RBIS: variants seen among roughly 807,000 people sequenced by gnomAD.
The protein encoded by RBIS is ribosome biogenesis factor identified in screen.
A neutral mutation model predicts 9.8 loss-of-function variants in RBIS; 9 were observed. The observed-to-expected ratio is 0.92, with a 90% CI of 0.56 to 1.61. The LOEUF (loss-of-function observed/expected upper bound fraction) is 1.61. RBIS is among the 40% of genes most tolerant of loss of function. The probability of loss-of-function intolerance (pLI) is 0.00; values close to 1 mark genes in which losing one functional copy is unlikely to be tolerated. For missense variants in RBIS, 103 were observed against 116.0 expected, an observed-to-expected ratio of 0.89 and a Z score of 0.51; for synonymous variants, 35 against 37.9, an observed-to-expected ratio of 0.92 and a Z score of 0.28.
At chr8:85,214,829 TAC>T (rs1442045833) in intron 3 of RBIS, 90 bp downstream of exon 3, 1 of 786,820 alleles carries the variant, frequency 1.3e-6, no homozygotes, top group Non-Finnish European at 2.1e-6. Flanking sequence ...TACTAAAAAT[TAC>T]ACTCAACTTA....
intron 2 of RBIS, 30 bp downstream of exon 2, chr8:85,217,356 A>G (rs749918972): frequency 2.4e-6 from 3 of 1,256,760 alleles, no homozygotes; most frequent in Admixed American, 3.4e-5. Context: ...CTTGTAAACA[A>G]TAAAGTCAGA....
Position 85,214,914 on chromosome 8 carries a change from T to C in RBIS, c.231+7A>G, listed in dbSNP as rs781604003. 6.9e-7 allele frequency: 1 copy of C among 1,452,396 alleles called. No homozygotes were observed. The highest frequency in any genetic ancestry group is 1.2e-5 in the South Asian group (1 of 80,560). The allele number at this position is 1,452,396 out of a possible 1,614,324, so 90.0% of individuals were successfully genotyped here. ...GCCATAAAAAAAAGCAAATGATTTCTGCTTACCAGTTCTTTCTGCAGAGGT... is the reference window on the plus strand; with the variant it reads ...GCCATAAAAAAAAGCAAATGATTTCCGCTTACCAGTTCTTTCTGCAGAGGT... On this transcript the variant is annotated splice_region_variant and intron_variant, in intron 3 of 3. Transcript: ENST00000619594.
At position 85,214,314 on chromosome 8, in the gene RBIS, A is replaced by G; in HGVS notation, c.*246T>C. 1 of 591,334 alleles carries G rather than the reference A, an allele frequency of 1.7e-6. No individual in the cohort carries two copies. The highest frequency in any genetic ancestry group is 3.0e-6 in the Non-Finnish European group (1 of 328,368). 36.6% of individuals were successfully genotyped at this position (591,334 alleles called of 1,614,324 possible). The stretch of plus-strand genomic sequence containing the variant: ...TGCCACTTGTAAAGTGAAGGATGTA[A>G]ACGAGGATATATAACTGTTTCAGTG... On this transcript the variant is annotated 3_prime_UTR_variant, in exon 4 of 4. Transcript: ENST00000619594.
At chr8:85,217,845 C>T (rs1813212161) in intron 1 of RBIS, 1 of 220,122 alleles carries the variant, frequency 4.5e-6, no homozygotes, top group African/African-American at 2.3e-5. Flanking sequence ...TACTACTATG[C>T]TATTCTGGTT....
In RBIS at chr8:85,214,625, G is replaced by A. The variant is rs1344228994; in HGVS notation, c.238C>T (p.Gln80Ter). 6.4e-7 allele frequency: 1 copy of A among 1,556,482 alleles called. No individual in the cohort carries two copies. Among genetic ancestry groups the A allele is most frequent in the Non-Finnish European group, 8.9e-7 (1 of 1,128,186 alleles). ...LEPLQKELIPQQRHESKPVNV... is the reference protein window; with the variant it reads ...LEPLQKELIP ...ACTGGTTTGCTTTCATGACGCTGCT[G>A]AGGAATCTGAAAGGAGAAAGTATTA... Residue 80 changes from glutamine (Q) to a stop codon, truncating the protein, a stop_gained, in exon 4 of 4, where the codon CAG becomes TAG. Transcript: ENST00000619594. LOFTEE classifies it high-confidence loss of function.
At chr8:85,214,782 C>G (rs1333890318) in intron 3 of RBIS, 139 bp downstream of exon 3, 3 of 723,588 alleles carry the variant, frequency 4.1e-6, no homozygotes, top group Non-Finnish European at 7.2e-6. Flanking sequence ...TCTGAATATG[C>G]TATTTATACT....
At chr8:85,214,665 GACA>G (rs777994267) in intron 3 of RBIS, 34 bp from the exon 4 acceptor site, 27 of 1,280,590 alleles carry the variant, frequency 2.1e-5, no homozygotes, top group Non-Finnish European at 2.8e-5. Context: ...TAAAAACACA[GACA>G]ACAATAGCAG....
At chr8:85,217,795 C>T (rs1813210387) in intron 1 of RBIS, 4 of 368,688 alleles carry the variant, frequency 1.1e-5, no homozygotes, top group East Asian at 1.1e-4. Context: ...AACTGTTATT[C>T]TCAGCAGTAC....
intron 1 of RBIS, chr8:85,217,802 G>A (rs1423678226): frequency 4.9e-5 from 17 of 348,156 alleles, no homozygotes; most frequent in Non-Finnish European, 1.0e-5. Flanking sequence ...ATTCTCAGCA[G>A]TACCTCACCA....
At chr8:85,218,386 G>A (rs1351939900) in intron 1 of RBIS, among the ~76,000 whole-genome samples, 2 of 151,888 alleles carry the variant, frequency 1.3e-5, no homozygotes, top group East Asian at 1.9e-4. Flanking sequence ...CAGAGCTAAC[G>A]TTATGTGATA....
intron 2 of RBIS, 191 bp downstream of exon 2, chr8:85,217,195 G>C: frequency 1.5e-6 from 1 of 649,330 alleles, no homozygotes; most frequent in Non-Finnish European, 2.7e-6. Flanking sequence ...TTCAACATTT[G>C]TTTTCAAGAA....
chr8:85,215,835 T>A (rs996459402), intron 2 of RBIS: 1 of 152,256 alleles, frequency 6.6e-6, no homozygotes, highest in African/African-American at 2.4e-5. Context: ...CACTTATTTA[T>A]AACTGGTTGG....
intron 1 of RBIS, among the ~76,000 whole-genome samples, chr8:85,218,034 C>T (rs1587512625): frequency 6.6e-6 from 1 of 152,310 alleles, no homozygotes; most frequent in East Asian, 1.9e-4. Context: ...ATGTGAACGG[C>T]CCTTGCCTTG....
chr8:85,217,395 AT>A lies in RBIS; in HGVS notation c.104del (p.Asn35IlefsTer5). The stretch of plus-strand genomic sequence containing the variant: ...CTTAACTAATACTCACCTTCTTAAG[AT>A]TAGTGGTAACTGGTTTTGCTTTGTT... ...AKNKAKPVTT[N>X]LKKINIMNEE... On this transcript the variant is annotated frameshift_variant, in exon 2 of 4. Transcript: ENST00000619594. LOFTEE classifies it high-confidence loss of function. The A allele has an allele frequency of 6.3e-7, 1 of 1,587,208 alleles. No individual in the cohort carries two copies. The highest frequency in any genetic ancestry group is 8.7e-7 in the Non-Finnish European group (1 of 1,155,914).
chr8:85,219,390 C>T (rs1232404485), intron 1 of RBIS: 1 of 152,164 alleles, frequency 6.6e-6, no homozygotes, highest in South Asian at 2.1e-4. Flanking sequence ...GTAGAAAATA[C>T]ATGGTTATTA....
chr8:85,219,634 C>T (rs1813285695), intron 1 of RBIS, among the ~76,000 whole-genome samples: 1 of 152,050 alleles, frequency 6.6e-6, no homozygotes. Flanking sequence ...GCCTCTAATC[C>T]CAGCTACTCG....
At chr8:85,219,433 A>G (rs964913183) in intron 1 of RBIS, 1 of 152,138 alleles carries the variant, frequency 6.6e-6, no homozygotes, top group East Asian at 1.9e-4. Flanking sequence ...ACACATAATA[A>G]AACCCCTCAA....
At position 85,214,986 on chromosome 8, in the gene RBIS, T is replaced by G; in HGVS notation, c.166A>C (p.Asn56His). Residue 56 changes from asparagine (N) to histidine (H), a missense_variant, in exon 3 of 4, where the codon AAT becomes CAT. Physicochemically the swap from Asn to His is moderately conservative, Grantham distance 68. Coordinates refer to ENST00000619594, the MANE Select transcript of RBIS (RefSeq NM_001099673.3). The stretch of plus-strand genomic sequence containing the variant: ...AAATGTGCAAGTTCCTTTTGTACAT[T>G]TACAAAAGCTTTATTTACTCTGTTA... The part of the protein sequence containing the change: ...KVNRVNKAFV[N>H]VQKELAHFAK... The G allele has an allele frequency of 1.3e-6, 2 of 1,582,918 alleles. No homozygotes were observed. The highest frequency in any genetic ancestry group is 1.7e-6 in the Non-Finnish European group (2 of 1,159,472).
intron 1 of RBIS, chr8:85,219,001 C>T (rs1813257856): frequency 6.6e-6 from 1 of 152,232 alleles, no homozygotes; most frequent in South Asian, 2.1e-4. Flanking sequence ...AAGCCATCTG[C>T]ACAGTGGCTA....
Sources: gnomAD v4.1 joint callset for allele counts (sites outside exome capture counted in the v4.1 genomes callset) on GRCh38, gnomAD v4.1.1 for gene constraint, MANE v1.5 for transcripts, NCBI Gene and HGNC (gene_info 2026-07-23, HGNC 2026-07-21) for gene names.